CDAN1: variants seen among roughly 807,000 people sequenced by gnomAD.
The protein encoded by CDAN1 is codanin 1, also known as codanin-1.
Under a neutral mutation model 139.8 loss-of-function variants are expected in CDAN1, and 107 were observed. The observed-to-expected ratio is 0.77, with a 90% CI of 0.65 to 0.90. The LOEUF is 0.90. Ranked by LOEUF, CDAN1 falls within the 40% of genes least tolerant of loss-of-function variation. The pLI is 0.00. For missense variants in CDAN1, 1,667 were observed against 1,575.7 expected (o/e 1.06, Z -0.98); for synonymous variants, 776 against 660.6 (o/e 1.17, Z -2.68).
chr15:42,724,232 GAT>G lies in CDAN1; in HGVS notation c.*257_*258del, dbSNP rs2061493825. On this transcript the variant is annotated 3_prime_UTR_variant, in exon 28 of 28. Coordinates refer to ENST00000356231, the MANE Select transcript of CDAN1 (RefSeq NM_138477.4). ...ACCTCATTTCATTTAGTATCCAAGA[GAT>G]AAACAAACACCACCTCTTCTACTCC... The G allele has an allele frequency of 4.1e-6, 2 of 486,656 alleles. No homozygotes were observed. The highest frequency in any genetic ancestry group is 6.5e-5 in the Admixed American group (2 of 30,668). 30.1% of individuals were successfully genotyped at this position (486,656 alleles called of 1,614,324 possible).
intron 20 of CDAN1, 98 bp downstream of exon 20, chr15:42,728,554 T>G: frequency 6.6e-7 from 1 of 1,505,350 alleles, no homozygotes. Context: ...AAAGGAGGCA[T>G]GAAGAGAAGA....
Position 42,730,207 on chromosome 15 carries a change from A to C in CDAN1, c.2183T>G (p.Val728Gly). ...CTTCCCCTCACTCTCCTGCGACAAC[A>C]CCAAGCTCCTGAAACATCAATGGGC... is the stretch of plus-strand genomic sequence containing the variant. ...TLLLRLHRSL[V>G]LSQESEGKMC... is the part of the protein sequence containing the mutation. The change falls in exon 15 of 28, where the codon GTG becomes GGG. Residue 728 changes from valine (V) to glycine (G), a missense_variant. Val to Gly is a moderately radical substitution (Grantham distance 109, BLOSUM62 -3). Around this residue, in one of 3 missense-constraint regions of CDAN1, gnomAD observed 936 missense variants for 844.1 expected, o/e 1.11. Coordinates refer to ENST00000356231, the MANE Select transcript of CDAN1 (RefSeq NM_138477.4). 1 of 1,614,008 alleles carries C rather than the reference A, an allele frequency of 6.2e-7. No homozygotes were observed.
chr15:42,726,609 CAACAAAAGAGGG>C, intron 23 of CDAN1, 192 bp from the exon 24 acceptor site: 1 of 600,764 alleles, frequency 1.7e-6, no homozygotes, highest in South Asian at 2.0e-5. Context: ...ACCATGTGGA[CAACAAAAGAGGG>C]AACAGATGGA....
intron 3 of CDAN1, 52 bp from the exon 4 acceptor site, chr15:42,735,731 C>T (rs761258792): frequency 6.2e-7 from 1 of 1,600,790 alleles, no homozygotes; most frequent in Admixed American, 1.7e-5. Context: ...CCTGCTACGG[C>T]CACACTCAGG....
Position 42,736,440 on chromosome 15 carries a change from C to G in CDAN1, c.431G>C (p.Ser144Thr). 1 of 1,586,760 alleles carries G rather than the reference C, an allele frequency of 6.3e-7. No individual in the cohort carries two copies. Among genetic ancestry groups the G allele is most frequent in the African/African-American group, 1.3e-5 (1 of 74,442 alleles). Reference sequence around the variant, plus strand: ...CCTCCGGCCCCCGGCTCCGGGCAGGCTCTCCCCGCTGACCCCCTCCTCCAG... The same window carrying G: ...CCTCCGGCCCCCGGCTCCGGGCAGGGTCTCCCCGCTGACCCCCTCCTCCAG... Reference protein sequence around the residue: ...RGLEEGVSGESLPGAGGRRLR... With the variant: ...RGLEEGVSGETLPGAGGRRLR... Residue 144 changes from serine (S) to threonine (T), a missense_variant, in exon 2 of 28, where the codon AGC becomes ACC. Physicochemically the swap from Ser to Thr is moderately conservative, Grantham distance 58. This residue lies in a region of CDAN1 where 487 missense variants were observed against 422.2 expected (regional missense o/e 1.15). Transcript: ENST00000356231.
chr15:42,736,142 G>A, intron 2 of CDAN1, 64 bp from the exon 3 acceptor site: 2 of 1,578,566 alleles, frequency 1.3e-6, no homozygotes, highest in Admixed American at 1.8e-5. Context: ...CTCCACCACC[G>A]CAACAGCTAG....
In CDAN1 at chr15:42,730,170, C is replaced by G. The variant is rs1595856478; in HGVS notation, c.2220G>C (p.Leu740=). ...GGACAGCAAGTAGCAGCAGCTTGTT[C>G]AGGAAACACATCTTCCCCTCACTCT... ...SQESEGKMCF[L]NKLLLLAVLG... Residue 740 remains leucine (L), a synonymous_variant, in exon 15 of 28, where the codon CTG becomes CTC. Transcript: ENST00000356231. The G allele has an allele frequency of 6.2e-7, 1 of 1,614,214 alleles. No individual in the cohort carries two copies. Among genetic ancestry groups the G allele is most frequent in the Middle Eastern group, 1.6e-4 (1 of 6,062 alleles).
At chr15:42,730,274 A>G in intron 14 of CDAN1, 59 bp from the exon 15 acceptor site, 1 of 1,473,942 alleles carries the variant, frequency 6.8e-7, no homozygotes, top group South Asian at 1.1e-5. Flanking sequence ...AATGGAGGCA[A>G]ACGCCATCAG....
chr15:42,729,654 C>A (rs558741329), intron 16 of CDAN1, 32 bp from the exon 17 acceptor site: 1 of 1,612,194 alleles, frequency 6.2e-7, no homozygotes, highest in African/African-American at 1.3e-5. Flanking sequence ...CAGCAGACTG[C>A]CCCTCCCCCA....
intron 20 of CDAN1, 45 bp from the exon 21 acceptor site, chr15:42,728,312 C>T: frequency 6.3e-7 from 1 of 1,599,706 alleles, no homozygotes; most frequent in South Asian, 1.1e-5. Flanking sequence ...GTATTTCAGC[C>T]TGGCTGCAGA....
chr15:42,729,922 AC>A, intron 15 of CDAN1, 37 bp from the exon 16 acceptor site: 2 of 1,513,208 alleles, frequency 1.3e-6, no homozygotes, highest in Non-Finnish European at 1.8e-6. Context: ...AACTTCAGAG[AC>A]CCCCACCCAA....
At chr15:42,727,850 G>A in intron 22 of CDAN1, 81 bp from the exon 23 acceptor site, 2 of 1,606,294 alleles carry the variant, frequency 1.2e-6, no homozygotes, top group African/African-American at 1.3e-5. Context: ...GCCTTTTGCT[G>A]TTTCCTACTG....
Position 42,731,284 on chromosome 15 carries a change from T to G in CDAN1, c.1787A>C (p.Gln596Pro). The change falls in exon 12 of 28, where the codon CAG becomes CCG. Residue 596 changes from glutamine (Q) to proline (P), a missense_variant. By Grantham distance (76) the Gln-to-Pro change is moderately conservative. This residue lies in a region of CDAN1 where 936 missense variants were observed against 844.1 expected (regional missense o/e 1.11). Transcript: ENST00000356231. ...GGGCAGGGCAAGACCATTGAGCTCCTGGATCTTCAAGCTCAGACTGTCCAT... is the reference window on the plus strand; with the variant it reads ...GGGCAGGGCAAGACCATTGAGCTCCGGGATCTTCAAGCTCAGACTGTCCAT... Reference protein sequence around the residue: ...HLMDSLSLKIQELNGLALPQH... With the variant: ...HLMDSLSLKIPELNGLALPQH... The G allele has an allele frequency of 6.2e-7, 1 of 1,613,878 alleles. No homozygotes were observed. Among genetic ancestry groups the G allele is most frequent in the Non-Finnish European group, 8.5e-7 (1 of 1,179,942 alleles).
rs1350027952 is a variant in CDAN1, at chr15:42,724,108, A to G, written c.*383T>C. On this transcript the variant is annotated 3_prime_UTR_variant, in exon 28 of 28. Transcript: ENST00000356231. The stretch of plus-strand genomic sequence containing the variant: ...TTTTAACTTTCTTCATAAGTTAAGC[A>G]GGAGTCATTTGCCTCTGTCATGAAT... 3.2e-6 allele frequency: 1 copy of G among 311,678 alleles called. No individual in the cohort carries two copies. Among genetic ancestry groups the G allele is most frequent in the East Asian group, 8.3e-5 (1 of 12,034 alleles). The allele number at this position is 311,678 out of a possible 1,614,324, so 19.3% of individuals were successfully genotyped here.
chr15:42,731,129 G>T lies in CDAN1; in HGVS notation c.1861-58C>A. On this transcript the variant is annotated intron_variant, in intron 12 of 27. Transcript: ENST00000356231. ...GCATGAGGCTTCCAGAACAATTCCC[G>T]ATCTGTTATAAAGTTTTTCTTGAAC... is the stretch of plus-strand genomic sequence containing the variant. 3.7e-6 allele frequency: 6 copies of T among 1,614,046 alleles called. No homozygotes were observed. The South Asian group carries it at 5.5e-5, about 15-fold the overall frequency.
At chr15:42,732,144 G>T (rs1336007508) in intron 10 of CDAN1, among the ~76,000 whole-genome samples, 189 bp downstream of exon 10, 1 of 152,234 alleles carries the variant, frequency 6.6e-6, no homozygotes, top group Non-Finnish European at 1.5e-5. Flanking sequence ...CCCGGGATGT[G>T]TCAAAGAGAG....
In CDAN1 at chr15:42,724,263, A is replaced by G; in HGVS notation, c.*228T>C. On this transcript the variant is annotated 3_prime_UTR_variant, in exon 28 of 28. Transcript: ENST00000356231. ...CAAACACCACCTCTTCTACTCCAGGACTGGCATCTCTGGACTTTTCTGCCA... is the reference window on the plus strand; with the variant it reads ...CAAACACCACCTCTTCTACTCCAGGGCTGGCATCTCTGGACTTTTCTGCCA... The G allele has an allele frequency of 3.6e-6, 2 of 556,164 alleles. No individual in the cohort carries two copies. Among genetic ancestry groups the G allele is most frequent in the Admixed American group, 5.7e-5 (2 of 35,196 alleles). The allele number at this position is 556,164 out of a possible 1,614,324, so 34.5% of individuals were successfully genotyped here. A position where few individuals can be genotyped will look rare whatever the true frequency, so the allele number is the denominator to read the frequency against.
chr15:42,731,687 G>C lies in CDAN1; in HGVS notation c.1672C>G (p.Pro558Ala). ...RLMAPQSSGG[P>A]CPPPTFPGCQ... ...CCTGGGAAGGTGGGGGGTGGGCAGG[G>C]CCCCCCACTGCTCTGAGGAGCCATA... Residue 558 changes from proline to alanine, a missense_variant, in exon 11 of 28, where the codon CCC (proline) becomes GCC (alanine). This residue lies in a region of CDAN1 where 936 missense variants were observed against 844.1 expected (regional missense o/e 1.11). Coordinates refer to ENST00000356231, the MANE Select transcript of CDAN1 (RefSeq NM_138477.4). 1.2e-6 allele frequency: 2 copies of C among 1,613,930 alleles called. No homozygotes were observed. The highest frequency in any genetic ancestry group is 1.7e-6 in the Non-Finnish European group (2 of 1,179,966).
chr15:42,729,352 C>G lies in CDAN1; in HGVS notation c.2418G>C (p.Arg806=), dbSNP rs770598282. The stretch of plus-strand genomic sequence containing the variant: ...CTGACACCCACGAAGCGAGCAGTTT[C>G]CGGAGCTCTCCTGTATCAGTGAAGT... ...YTCCPYIGEL[R]KLLASWVSGS... The change falls in exon 18 of 28, where the codon CGG becomes CGC. Residue 806 remains arginine, a synonymous_variant. Coordinates refer to ENST00000356231, the MANE Select transcript of CDAN1 (RefSeq NM_138477.4). The G allele has an allele frequency of 6.2e-7, 1 of 1,614,044 alleles. No homozygotes were observed.
Sources: allele counts gnomAD v4.1 joint callset (sites outside exome capture counted in the v4.1 genomes callset), GRCh38; gene constraint gnomAD v4.1.1; regional missense constraint gnomAD v4.1.1; transcripts MANE v1.5; gene names NCBI Gene and HGNC (gene_info 2026-07-23, HGNC 2026-07-21).